FAM135A: variants seen among roughly 807,000 people sequenced by gnomAD.
FAM135A encodes protein FAM135A.
A neutral mutation model predicts 146.8 loss-of-function variants in FAM135A; 79 were observed. That is an observed-to-expected ratio of 0.54 (90% CI 0.45 to 0.65). The LOEUF (loss-of-function observed/expected upper bound fraction) is 0.65. Among genes scored for constraint, FAM135A ranks in the 30% least tolerant of loss-of-function variants. FAM135A has a pLI of 0.00. For synonymous variants in FAM135A, 562 were observed against 603.6 expected (o/e 0.93, Z 1.01); for missense variants, 1,623 against 1,758.2 (o/e 0.92, Z 1.38).
chr6:70,470,679 A>G (rs9455125), intron 5 of FAM135A, among the ~76,000 whole-genome samples: 10,347 of 152,240 alleles, frequency 0.068, 1,162 homozygotes, highest in African/African-American at 0.23. Flanking sequence ...TCTATCACAT[A>G]GATCAACCCT....
chr6:70,415,973 T>G (rs1352303070), intron 2 of FAM135A, among the ~76,000 whole-genome samples: 2 of 152,206 alleles, frequency 1.3e-5, no homozygotes, highest in East Asian at 3.8e-4. Context: ...TTTATCTCTT[T>G]AATTTTAGAC....
chr6:70,517,265 T>G (rs1792483991), intron 12 of FAM135A, among the ~76,000 whole-genome samples: 1 of 152,140 alleles, frequency 6.6e-6, no homozygotes, highest in South Asian at 2.1e-4. Flanking sequence ...GGATGGTGGC[T>G]TATGCCAATA....
chr6:70,475,844 C>T (rs1782537521), intron 7 of FAM135A, 111 bp downstream of exon 7: 1 of 828,834 alleles, frequency 1.2e-6, no homozygotes, highest in African/African-American at 1.7e-5. Context: ...TTGTCTTGAA[C>T]TACTTGTGTT....
chr6:70,544,373 A>G lies in FAM135A; in HGVS notation c.4228+5972A>G, dbSNP rs551504978. Among the ~76,000 whole-genome samples, 18 of 152,150 alleles carry G rather than the reference A, an allele frequency of 1.2e-4. No individual in the cohort carries two copies. The South Asian group carries it at 3.7e-3, about 32-fold the overall frequency. ...GACCAACCCCATCTCTACTAAAAAT[A>G]CAAAATTAGCCAGGCATGGTGGTGT... On this transcript the variant is annotated intron_variant, in intron 20 of 21. Coordinates refer to ENST00000418814, the MANE Select transcript of FAM135A (RefSeq NM_001162529.3).
At chr6:70,486,549 A>G (rs897800489) in intron 10 of FAM135A, among the ~76,000 whole-genome samples, 2 of 152,188 alleles carry the variant, frequency 1.3e-5, no homozygotes, top group African/African-American at 4.8e-5. Flanking sequence ...GATTATTACT[A>G]CAATTTGTTG....
chr6:70,466,955 G>T (rs1780583746), intron 5 of FAM135A, among the ~76,000 whole-genome samples: 1 of 152,052 alleles, frequency 6.6e-6, no homozygotes, highest in Admixed American at 6.6e-5. Context: ...GATCTGTTTG[G>T]GATCTTCCTT....
chr6:70,453,986 A>G (rs1777699120), intron 5 of FAM135A, among the ~76,000 whole-genome samples: 2 of 152,206 alleles, frequency 1.3e-5, no homozygotes, highest in South Asian at 4.1e-4. Context: ...AGGAATCACC[A>G]CAGTGTCTTC....
intron 2 of FAM135A, among the ~76,000 whole-genome samples, chr6:70,415,980 A>C (rs922318706): frequency 2.0e-5 from 3 of 152,224 alleles, no homozygotes; most frequent in Non-Finnish European, 4.4e-5. Flanking sequence ...CTTTAATTTT[A>C]GACTGTGTAG....
chr6:70,458,985 C>G (rs1294875792), intron 5 of FAM135A, among the ~76,000 whole-genome samples: 1 of 152,084 alleles, frequency 6.6e-6, no homozygotes, highest in Admixed American at 6.6e-5. Flanking sequence ...AAATTGCTCC[C>G]ATGTATTTAA....
chr6:70,482,416 TCTTAAAATATAA>T (rs770329906), intron 10 of FAM135A, among the ~76,000 whole-genome samples: 1 of 152,152 alleles, frequency 6.6e-6, no homozygotes, highest in Non-Finnish European at 1.5e-5. Context: ...AATCTGTTCC[TCTTAAAATATAA>T]CCCAAAAACA....
At chr6:70,556,231 A>T (rs1255578197) in intron 20 of FAM135A, among the ~76,000 whole-genome samples, 1 of 152,182 alleles carries the variant, frequency 6.6e-6, no homozygotes, top group Non-Finnish European at 1.5e-5. Context: ...CCTGGGCAAC[A>T]AAGTGAGACT....
At chr6:70,497,650 T>C (rs1787594183) in intron 11 of FAM135A, among the ~76,000 whole-genome samples, 2 of 152,214 alleles carry the variant, frequency 1.3e-5, no homozygotes, top group African/African-American at 4.8e-5. Context: ...AAATAGCTCT[T>C]ATTATTTTGA....
At chr6:70,429,439 G>A (rs1770964581) in intron 4 of FAM135A, among the ~76,000 whole-genome samples, 2 of 152,020 alleles carry the variant, frequency 1.3e-5, no homozygotes, top group African/African-American at 4.8e-5. Context: ...CTTGAATCCA[G>A]GAGACAGAGT....
In FAM135A at chr6:70,481,004, T is replaced by G; in HGVS notation, c.646T>G (p.Tyr216Asp). The G allele has an allele frequency of 6.2e-7, 1 of 1,609,420 alleles. No homozygotes were observed. Among genetic ancestry groups the G allele is most frequent in the Non-Finnish European group, 8.5e-7 (1 of 1,177,844 alleles). ...TGAAAGTGTGGTCTTTGGTATTAAC[T>G]ACACAAAACAGTTATCACCAGATGT... ...TLESVVFGIN[Y>D]TKQLSPDGCS... Residue 216 changes from tyrosine to aspartate, a missense_variant, in exon 9 of 22, where the codon TAC (tyrosine) becomes GAC (aspartate). By Grantham distance (160) the Tyr-to-Asp change is radical. Transcript: ENST00000418814.
chr6:70,537,510 T>G (rs1797006652), intron 19 of FAM135A, among the ~76,000 whole-genome samples: 1 of 152,192 alleles, frequency 6.6e-6, no homozygotes, highest in African/African-American at 2.4e-5. Flanking sequence ...AATGAAGTCC[T>G]TAAATAATGT....
chr6:70,540,887 A>G (rs563744810), intron 20 of FAM135A, among the ~76,000 whole-genome samples: 33 of 152,208 alleles, frequency 2.2e-4, no homozygotes, highest in African/African-American at 6.3e-4. Flanking sequence ...CTTCCTATCT[A>G]TTCCCTTAGA....
chr6:70,474,594 G>C (rs1782252756), intron 5 of FAM135A, among the ~76,000 whole-genome samples: 1 of 152,118 alleles, frequency 6.6e-6, no homozygotes, highest in African/African-American at 2.4e-5. Context: ...ACAGCAAAAG[G>C]ATTCAAATCA....
chr6:70,502,201 G>A (rs1788712507), intron 11 of FAM135A, among the ~76,000 whole-genome samples: 1 of 152,162 alleles, frequency 6.6e-6, no homozygotes, highest in African/African-American at 2.4e-5. Context: ...AGGAGTCATA[G>A]ATATTTTAAG....
At chr6:70,422,018 A>G (rs905156300) in intron 2 of FAM135A, among the ~76,000 whole-genome samples, 3 of 152,172 alleles carry the variant, frequency 2.0e-5, no homozygotes, top group African/African-American at 7.2e-5. Context: ...TTGGTTCATA[A>G]GTGGCGTTAA....
Sources: gnomAD v4.1 joint callset for allele counts (sites outside exome capture counted in the v4.1 genomes callset) on GRCh38, gnomAD v4.1.1 for gene constraint, MANE v1.5 for transcripts, NCBI Gene and HGNC (gene_info 2026-07-23, HGNC 2026-07-21) for gene names.